Variants in C22orf31 observed in about 807,000 individuals in gnomAD.
C22orf31 encodes the protein uncharacterized protein C22orf31.
C22orf31 carries 11 observed loss-of-function variants against 15.0 expected under a neutral mutation model. The ratio of observed to expected loss-of-function variants is 0.73; its 90% confidence interval spans 0.46 to 1.21. The LOEUF (loss-of-function observed/expected upper bound fraction) is 1.21, where lower values mean the gene tolerates loss of function less well. C22orf31 is among the 50% of genes most tolerant of loss of function. The probability of loss-of-function intolerance (pLI) is 0.00; values close to 1 mark genes in which losing one functional copy is unlikely to be tolerated. For missense variants in C22orf31, 340 were observed against 347.2 expected (o/e 0.98, Z 0.17); for synonymous variants, 132 against 133.3 (o/e 0.99, Z 0.07).
chr22:29,067,393 C>T, the C22orf31 span, among the ~76,000 whole-genome samples: 99,571 of 150,862 alleles, frequency 0.66, 33,142 homozygotes, highest in Middle Eastern at 0.78. Context: ...TGACAGAAAC[C>T]TATTATTTTA....
At position 29,058,848 on chromosome 22, in the gene C22orf31, G is replaced by A. The variant is rs781782390; in HGVS notation, c.767C>T (p.Ala256Val). 3 of 1,614,080 alleles carry A rather than the reference G, an allele frequency of 1.9e-6. No individual in the cohort carries two copies. The highest frequency in any genetic ancestry group is 1.7e-5 in the Admixed American group (1 of 60,018). ...KLWEALCSQG[A>V]ISEGAQRDRF... ...GTCCCTCTGAGCACCTTCAGAGATGGCACCCTGACTGCAAAGAGCCTCCCA... is the reference window on the plus strand; with the variant it reads ...GTCCCTCTGAGCACCTTCAGAGATGACACCCTGACTGCAAAGAGCCTCCCA... The change falls in exon 3 of 3, where the codon GCC (alanine) becomes GTC (valine). Residue 256 changes from alanine (A) to valine (V), a missense_variant. By Grantham distance (64) the Ala-to-Val change is moderately conservative. Transcript: ENST00000216071.
chr22:29,066,826 G>T (rs1309763897), upstream of C22orf31, among the ~76,000 whole-genome samples: 1 of 151,948 alleles, frequency 6.6e-6, no homozygotes, highest in African/African-American at 2.4e-5. Context: ...CTCCCAAAGT[G>T]CTGGGATTAC....
chr22:29,069,509 G>A, the C22orf31 span, among the ~76,000 whole-genome samples: 19 of 152,230 alleles, frequency 1.2e-4, 1 homozygote, highest in Admixed American at 3.3e-4. Context: ...CATCTTTCTG[G>A]AGGCCCAGGA....
chr22:29,060,371 T>C (rs548045106), intron 2 of C22orf31, 44 bp downstream of exon 2: 1 of 1,529,766 alleles, frequency 6.5e-7, no homozygotes, highest in South Asian at 1.2e-5. Flanking sequence ...ACCTTTTCCC[T>C]CCCCTCGCCA....
chr22:29,060,073 C>G (rs1219111137), intron 2 of C22orf31: 1 of 701,244 alleles, frequency 1.4e-6, no homozygotes, highest in Non-Finnish European at 1.7e-6. Flanking sequence ...GCTCTGTTGC[C>G]CAATCAGGAA....
chr22:29,071,506 C>T, the C22orf31 span, among the ~76,000 whole-genome samples: 6 of 152,174 alleles, frequency 3.9e-5, no homozygotes, highest in African/African-American at 7.2e-5. Flanking sequence ...CGGTCCCGCC[C>T]AGCCGCGCTC....
chr22:29,073,879 T>C, the C22orf31 span, among the ~76,000 whole-genome samples: 1 of 151,862 alleles, frequency 6.6e-6, no homozygotes, highest in Non-Finnish European at 1.5e-5. The surrounding 1 kb of genome is among the most constrained non-coding windows in gnomAD (Gnocchi z 4.4). Flanking sequence ...CGACGCACCT[T>C]GCACCGGGAC....
chr22:29,067,481 G>A, the C22orf31 span, among the ~76,000 whole-genome samples: 38 of 150,788 alleles, frequency 2.5e-4, no homozygotes, highest in East Asian at 9.7e-4. Flanking sequence ...TCGCTTTCTC[G>A]CCCAGGCTAG....
chr22:29,058,675 G>T lies in C22orf31; in HGVS notation c.*67C>A. On this transcript the variant is annotated 3_prime_UTR_variant, in exon 3 of 3. Coordinates refer to ENST00000216071, the MANE Select transcript of C22orf31 (RefSeq NM_015370.2). ...TAAAGCACTCTGCGATAACACGGAA[G>T]GTGCAAAGTTGTGTTTATTTTTCAG... 8.0e-7 allele frequency: 1 copy of T among 1,244,300 alleles called. No homozygotes were observed. Among genetic ancestry groups the T allele is most frequent in the Non-Finnish European group, 1.1e-6 (1 of 883,374 alleles). 77.1% of individuals were successfully genotyped at this position (1,244,300 alleles called of 1,614,324 possible).
At chr22:29,061,638 C>T (rs1045371971) in intron 1 of C22orf31, 152 bp downstream of exon 1, 2 of 577,784 alleles carry the variant, frequency 3.5e-6, no homozygotes, top group Non-Finnish European at 6.2e-6. Flanking sequence ...ACTCTGGGGA[C>T]CATAAAAGCA....
the C22orf31 span, among the ~76,000 whole-genome samples, chr22:29,072,243 C>A: frequency 6.6e-6 from 1 of 152,104 alleles, no homozygotes; most frequent in Non-Finnish European, 1.5e-5. Flanking sequence ...CTCCAGGGCT[C>A]AAGCGATCCT....
chr22:29,060,945 C>G, intron 1 of C22orf31, 102 bp from the exon 2 acceptor site: 1 of 945,350 alleles, frequency 1.1e-6, no homozygotes, highest in Non-Finnish European at 1.6e-6. Context: ...TTTTTATAGG[C>G]CATTCCTTCC....
the C22orf31 span, among the ~76,000 whole-genome samples, chr22:29,072,338 T>C: frequency 6.6e-6 from 1 of 151,960 alleles, no homozygotes; most frequent in East Asian, 1.9e-4. Context: ...GTTGCCCAGG[T>C]TGGTCTCAGA....
chr22:29,063,038 C>A (rs1226704637), upstream of C22orf31, among the ~76,000 whole-genome samples: 1 of 151,864 alleles, frequency 6.6e-6, no homozygotes, highest in African/African-American at 2.4e-5. Context: ...AGGGAAATGT[C>A]AAGCAAAAAA....
rs145497257 is a variant in C22orf31 at position 29,058,895 on chromosome 22, G to A, written c.720C>T (p.Gly240=). Reference sequence around the variant, plus strand: ...CCCAGAGCTTTTGTTTAATGGCCTTGCCCAGCTCCAGGCTGTACCTCTTGG... The same window carrying A: ...CCCAGAGCTTTTGTTTAATGGCCTTACCCAGCTCCAGGCTGTACCTCTTGG... The part of the protein sequence containing the change: ...GTPKRYSLEL[G]KAIKQKLWEA... Residue 240 remains glycine (G), a synonymous_variant, in exon 3 of 3, where the codon GGC becomes GGT. Transcript: ENST00000216071. 20 of 1,614,078 alleles carry A rather than the reference G, an allele frequency of 1.2e-5. No homozygotes were observed. The highest frequency in any genetic ancestry group is 1.7e-5 in the Non-Finnish European group (20 of 1,180,046).
At chr22:29,059,299 C>A in intron 2 of C22orf31, 117 bp from the exon 3 acceptor site, 2 of 768,422 alleles carry the variant, frequency 2.6e-6, no homozygotes, top group African/African-American at 1.7e-5. Flanking sequence ...ATTTGTCTAG[C>A]ATGTTCTAGT....
chr22:29,073,254 C>A, the C22orf31 span: 4 of 1,054,838 alleles, frequency 3.8e-6, no homozygotes, highest in Non-Finnish European at 4.8e-6. The surrounding 1 kb of genome is among the most constrained non-coding windows in gnomAD (Gnocchi z 4.4). Context: ...CCCCGCCGCC[C>A]GCCCTGAGCG....
chr22:29,058,759 A>G lies in C22orf31; in HGVS notation c.856T>C (p.Leu286=), dbSNP rs1252254073. Reference sequence around the variant, plus strand: ...TCTTGTTCCTATTTTTTGCTCTTTAACTTGGGCCATTTCTTGAGTACAGGC... The same window carrying G: ...TCTTGTTCCTATTTTTTGCTCTTTAGCTTGGGCCATTTCTTGAGTACAGGC... ...EEPVLKKWPK[L]KSKK is the part of the protein sequence containing the mutation. The change falls in exon 3 of 3, where the codon TTA becomes CTA. Residue 286 remains leucine, a synonymous_variant. Transcript: ENST00000216071. 13 of 1,609,098 alleles carry G rather than the reference A, an allele frequency of 8.1e-6. No individual in the cohort carries two copies. The highest frequency in any genetic ancestry group is 1.1e-5 in the Non-Finnish European group (13 of 1,178,444).
intron 2 of C22orf31, chr22:29,059,760 T>TTGTGTG (rs111812934): frequency 4.2e-6 from 4 of 951,072 alleles, no homozygotes; most frequent in Middle Eastern, 5.3e-4. Flanking sequence ...TGACCACTGG[T>TTGTGTG]TGTGTGTGTG....
Sources: gnomAD v4.1 joint callset for allele counts (sites outside exome capture counted in the v4.1 genomes callset) on GRCh38, gnomAD v4.1.1 for gene constraint, Gnocchi (gnomAD v3.1) non-coding constraint, MANE v1.5 for transcripts, NCBI Gene and HGNC (gene_info 2026-07-23, HGNC 2026-07-21) for gene names.